The following CLDN14 variants were observed in gnomAD, a reference collection of about 807,000 sequenced individuals.
The protein encoded by CLDN14 is claudin-14.
In CLDN14, 2 loss-of-function variants were observed where a neutral mutation model predicts 2.1. The ratio of observed to expected loss-of-function variants is 0.96; its 90% CI spans 0.39 to 3.01. The LOEUF (loss-of-function observed/expected upper bound fraction) is 3.01. Ranked by LOEUF, CLDN14 falls within the 30% of genes most tolerant of loss-of-function variation. The probability of loss-of-function intolerance (pLI) is 0.09; values close to 1 mark genes in which losing one functional copy is unlikely to be tolerated. For missense variants in CLDN14, 298 were observed against 328.0 expected (o/e 0.91, Z 0.71); for synonymous variants, 136 against 154.4 (o/e 0.88, Z 0.88).
At position 36,461,539 on chromosome 21, in the gene CLDN14, C is replaced by T; in HGVS notation, c.157G>A (p.Glu53Lys). The change falls in exon 2 of 2, where the codon GAG becomes AAG. Residue 53 changes from glutamate to lysine, a missense_variant. Physicochemically the swap from Glu to Lys is moderately conservative, Grantham distance 56. Transcript: ENST00000399135. ...ATGCCTGTGCTGTGCCACACACACT[C>T]CATCCAGAGCCCTTTCAGGTAGGAC... is the stretch of plus-strand genomic sequence containing the variant. Reference protein sequence around the residue: ...AVSYLKGLWMECVWHSTGIYQ... With the variant: ...AVSYLKGLWMKCVWHSTGIYQ... The T allele has an allele frequency of 6.2e-7, 1 of 1,613,398 alleles. No individual in the cohort carries two copies. Among genetic ancestry groups the T allele is most frequent in the Non-Finnish European group, 8.5e-7 (1 of 1,179,988 alleles).
At position 36,550,346 on chromosome 21, in the gene CLDN14, C is replaced by A. The variant is rs1432965399; in HGVS notation, c.-220+26065G>T. Reference sequence around the variant, plus strand: ...TTGGCCATTGTCACCATGATACCAACTTGGCTCCTCTCCCCCTGACCCCAA... The same window carrying A: ...TTGGCCATTGTCACCATGATACCAAATTGGCTCCTCTCCCCCTGACCCCAA... On this transcript the variant is annotated intron_variant, in intron 1 of 2. Coordinates refer to the CLDN14 transcript ENST00000342108. 5.9e-5 allele frequency among the ~76,000 whole-genome samples: 9 copies of A among 152,316 alleles called. No individual in the cohort carries two copies. The Middle Eastern group carries it at 0.01, about 173-fold the overall frequency.
At chr21:36,566,057 A>G (rs1252742038) in intron 1 of CLDN14, among the ~76,000 whole-genome samples, 3 of 152,222 alleles carry the variant, frequency 2.0e-5, no homozygotes, top group African/African-American at 4.8e-5. Flanking sequence ...TTATCATATT[A>G]GCATGTCTAA....
chr21:36,518,717 G>A (rs2087247476), intron 1 of CLDN14, among the ~76,000 whole-genome samples: 1 of 152,168 alleles, frequency 6.6e-6, no homozygotes, highest in South Asian at 2.1e-4. Flanking sequence ...GACCCATTTG[G>A]AAGATGCTAT....
At position 36,498,741 on chromosome 21, in the gene CLDN14, A is replaced by G. The variant is rs1601612732; in HGVS notation, c.-82+11622T>C. Among the ~76,000 whole-genome samples the G allele has an allele frequency of 6.6e-6, 1 of 152,166 alleles. No homozygotes were observed. Among genetic ancestry groups the G allele is most frequent in the Non-Finnish European group, 1.5e-5 (1 of 68,032 alleles). On this transcript the variant is annotated intron_variant, in intron 2 of 2. Coordinates refer to the CLDN14 transcript ENST00000342108. The surrounding 1 kb of genome is among the most constrained non-coding windows in gnomAD (Gnocchi z 4.9). ...ACCTCTCAGCTGGCCTTCAGCTCCA[A>G]TACAGACACGGGAAAACCAGTCTCA...
At chr21:36,534,389 C>T (rs898532607) in intron 1 of CLDN14, among the ~76,000 whole-genome samples, 4 of 152,162 alleles carry the variant, frequency 2.6e-5, no homozygotes, top group African/African-American at 7.2e-5. Context: ...AAGCCCAGGA[C>T]GATCCCCCCG....
intron 1 of CLDN14, among the ~76,000 whole-genome samples, chr21:36,564,851 T>C (rs1268698097): frequency 1.3e-5 from 2 of 152,178 alleles, no homozygotes; most frequent in African/African-American, 4.8e-5. Flanking sequence ...TGAGAAAGAC[T>C]TGACCACCTG....
chr21:36,462,830 A>T (rs1043282725), intron 1 of CLDN14, among the ~76,000 whole-genome samples: 1 of 152,058 alleles, frequency 6.6e-6, no homozygotes, highest in South Asian at 2.1e-4. Context: ...AGGCAGGAGA[A>T]TCGCTTGAAC....
At position 36,556,438 on chromosome 21, in the gene CLDN14, T is replaced by C. The variant is rs770986186; in HGVS notation, c.-220+19973A>G. 2.0e-5 allele frequency among the ~76,000 whole-genome samples: 3 copies of C among 152,126 alleles called. No homozygotes were observed. In the South Asian group the frequency reaches 6.2e-4, roughly 32 times the overall value. ...CCAAAGCCCTTTTTTGGGATCTCTT[T>C]ATGGGGGTGGTAGGAAGACCACAGC... On this transcript the variant is annotated intron_variant, in intron 1 of 2. Transcript: ENST00000342108.
intron 2 of CLDN14, chr21:36,487,384 C>T (rs1287082087): frequency 1.5e-5 from 3 of 199,314 alleles, no homozygotes; most frequent in African/African-American, 4.7e-5. Flanking sequence ...CTGTTGTCCA[C>T]ACACACCATA....
intron 1 of CLDN14, among the ~76,000 whole-genome samples, chr21:36,474,208 T>C (rs563176737): frequency 6.6e-6 from 1 of 152,366 alleles, no homozygotes; most frequent in East Asian, 1.9e-4. Context: ...CTATTTCATC[T>C]ACCTCTCACT....
chr21:36,504,745 T>A (rs1160578737), intron 2 of CLDN14, among the ~76,000 whole-genome samples: 1 of 152,204 alleles, frequency 6.6e-6, no homozygotes, highest in African/African-American at 2.4e-5. Flanking sequence ...AGAGAAGAGA[T>A]GGTAACACTG....
At chr21:36,465,409 A>G (rs2086632904) in intron 1 of CLDN14, among the ~76,000 whole-genome samples, 1 of 152,230 alleles carries the variant, frequency 6.6e-6, no homozygotes, top group Non-Finnish European at 1.5e-5. Flanking sequence ...AACGTGTGCT[A>G]TAAGGATTTG....
intron 1 of CLDN14, among the ~76,000 whole-genome samples, chr21:36,478,079 A>G (rs2086798822): frequency 6.6e-6 from 1 of 152,248 alleles, no homozygotes; most frequent in Non-Finnish European, 1.5e-5. Flanking sequence ...ATTTTTTTAA[A>G]AACAATAATG....
intron 2 of CLDN14, among the ~76,000 whole-genome samples, chr21:36,496,141 A>C (rs2087014910): frequency 6.6e-6 from 1 of 152,154 alleles, no homozygotes; most frequent in African/African-American, 2.4e-5. Context: ...TATAAAAATC[A>C]GGGTTTCTGC....
At chr21:36,528,772 T>C (rs2087355456) in intron 1 of CLDN14, among the ~76,000 whole-genome samples, 1 of 152,174 alleles carries the variant, frequency 6.6e-6, no homozygotes, top group African/African-American at 2.4e-5. Flanking sequence ...CACCAGAAGG[T>C]TCTTGAAGCT....
chr21:36,494,052 A>G (rs2086993293), intron 2 of CLDN14, among the ~76,000 whole-genome samples: 1 of 152,210 alleles, frequency 6.6e-6, no homozygotes, highest in African/African-American at 2.4e-5. Context: ...GCAGGACCTC[A>G]GGATCTTCTG....
intron 1 of CLDN14, among the ~76,000 whole-genome samples, chr21:36,469,909 C>G (rs2086688864): frequency 6.6e-6 from 1 of 152,082 alleles, no homozygotes; most frequent in African/African-American, 2.4e-5. Context: ...TTTTTCCCGA[C>G]AAGACAGTCA....
chr21:36,485,268 C>T (rs1196787146), intron 2 of CLDN14, among the ~76,000 whole-genome samples: 2 of 148,516 alleles, frequency 1.3e-5, no homozygotes, highest in Non-Finnish European at 3.0e-5. Context: ...AGTGCAGTGG[C>T]GTGATTTTTG....
At chr21:36,547,705 G>A (rs149969135) in intron 1 of CLDN14, among the ~76,000 whole-genome samples, 1 of 152,286 alleles carries the variant, frequency 6.6e-6, no homozygotes, top group East Asian at 1.9e-4. Context: ...GTGGCTTCTG[G>A]GCAGCAGACA....
Sources: allele counts gnomAD v4.1 joint callset (sites outside exome capture counted in the v4.1 genomes callset), GRCh38; gene constraint gnomAD v4.1.1; non-coding constraint Gnocchi (gnomAD v3.1); transcripts MANE v1.5; gene names NCBI Gene and HGNC (gene_info 2026-07-23, HGNC 2026-07-21).